The following EYA4 variants were observed in gnomAD, a reference collection of about 807,000 sequenced individuals.
The protein encoded by EYA4 is EYA transcriptional coactivator and phosphatase 4, also known as protein phosphatase EYA4.
EYA4 carries 31 observed loss-of-function variants against 87.9 expected under a neutral mutation model. The ratio of observed to expected loss-of-function variants is 0.35; its 90% confidence interval spans 0.27 to 0.48. The LOEUF (loss-of-function observed/expected upper bound fraction) is 0.48. EYA4 is among the 20% of genes least tolerant of loss of function. The pLI is 0.99. For missense variants in EYA4, 678 were observed against 761.4 expected (o/e 0.89, Z 1.29); for synonymous variants, 263 against 270.6 (o/e 0.97, Z 0.28).
intron 3 of EYA4, among the ~76,000 whole-genome samples, chr6:133,410,759 C>G (rs1463577655): frequency 6.6e-6 from 1 of 151,856 alleles, no homozygotes. Flanking sequence ...CAGTCCACTT[C>G]AAACAGGGCT....
At chr6:133,469,399 A>G (rs1439946167) in intron 11 of EYA4, among the ~76,000 whole-genome samples, 1 of 152,022 alleles carries the variant, frequency 6.6e-6, no homozygotes, top group Non-Finnish European at 1.5e-5. Context: ...TAGAATAGTC[A>G]AAACTATTTT....
At chr6:133,436,729 G>C (rs1309436931) in intron 3 of EYA4, among the ~76,000 whole-genome samples, 4 of 152,202 alleles carry the variant, frequency 2.6e-5, no homozygotes, top group Non-Finnish European at 5.9e-5. Flanking sequence ...GTGGGAAATA[G>C]ACCCATGTCC....
At chr6:133,412,141 G>A (rs1004343514) in intron 3 of EYA4, among the ~76,000 whole-genome samples, 3 of 152,130 alleles carry the variant, frequency 2.0e-5, no homozygotes, top group Non-Finnish European at 2.9e-5. Flanking sequence ...GTTTAATGCA[G>A]CAAATTTACT....
chr6:133,295,118 G>A (rs1214229277), intron 2 of EYA4, among the ~76,000 whole-genome samples: 1 of 152,126 alleles, frequency 6.6e-6, no homozygotes. Context: ...ATATGCTATG[G>A]ATGGAAAGCT....
At chr6:133,435,945 G>C (rs1028339057) in intron 3 of EYA4, among the ~76,000 whole-genome samples, 2 of 152,112 alleles carry the variant, frequency 1.3e-5, no homozygotes, top group African/African-American at 4.8e-5. Flanking sequence ...TCCAGGCTGG[G>C]CGCGGTGGCT....
intron 3 of EYA4, among the ~76,000 whole-genome samples, chr6:133,408,989 C>G (rs1380061025): frequency 6.6e-6 from 1 of 152,118 alleles, no homozygotes; most frequent in Non-Finnish European, 1.5e-5. Context: ...TGCAGACTCC[C>G]TGTTCTGATC....
intron 2 of EYA4, 71 bp from the exon 3 acceptor site, chr6:133,382,321 T>C: frequency 2.8e-6 from 3 of 1,076,944 alleles, no homozygotes; most frequent in Non-Finnish European, 4.4e-6. Context: ...TATATCCGCT[T>C]TAATAGTGTG....
At chr6:133,341,548 G>A (rs907885080) in intron 2 of EYA4, among the ~76,000 whole-genome samples, 1 of 152,048 alleles carries the variant, frequency 6.6e-6, no homozygotes, top group Non-Finnish European at 1.5e-5. Context: ...TAGCTTTATG[G>A]ACTTCCAAAT....
At chr6:133,386,346 C>T (rs1786747136) in intron 3 of EYA4, among the ~76,000 whole-genome samples, 1 of 152,078 alleles carries the variant, frequency 6.6e-6, no homozygotes, top group African/African-American at 2.4e-5. Context: ...AATTTTACAG[C>T]AGAAGTTTCC....
In EYA4 at chr6:133,529,786, TAGA is replaced by T. The variant is rs1338976879; in HGVS notation, c.*984_*986del. ...CTTTACTTAGAAAGTGAAATGTATG[TAGA>T]AGTCTCAAGTACCCCTTCTACAGTT... On this transcript the variant is annotated 3_prime_UTR_variant, in exon 20 of 20. Coordinates refer to ENST00000355286, the MANE Select transcript of EYA4 (RefSeq NM_004100.5). 1 of 984,822 alleles carries T rather than the reference TAGA, an allele frequency of 1.0e-6. No individual in the cohort carries two copies. Among genetic ancestry groups the T allele is most frequent in the Non-Finnish European group, 1.2e-6 (1 of 829,492 alleles). 61.0% of individuals were successfully genotyped at this position (984,822 alleles called of 1,614,324 possible).
chr6:133,298,316 T>G (rs961280836), intron 2 of EYA4, among the ~76,000 whole-genome samples: 6 of 152,124 alleles, frequency 3.9e-5, no homozygotes, highest in African/African-American at 1.4e-4. Context: ...AGCAGCCAAT[T>G]TTTCTGACGA....
At chr6:133,272,613 T>C (rs1439378687) in intron 1 of EYA4, among the ~76,000 whole-genome samples, 2 of 152,154 alleles carry the variant, frequency 1.3e-5, no homozygotes, top group African/African-American at 4.8e-5. Context: ...AGAAGATGGT[T>C]GGGCCTTGCT....
chr6:133,445,004 A>G (rs1345394016), intron 3 of EYA4, among the ~76,000 whole-genome samples: 1 of 151,988 alleles, frequency 6.6e-6, no homozygotes, highest in Non-Finnish European at 1.5e-5. Flanking sequence ...CATTTTTCAC[A>G]TATATTCTTT....
At chr6:133,523,776 T>C (rs2128813397) in intron 18 of EYA4, among the ~76,000 whole-genome samples, 1 of 152,278 alleles carries the variant, frequency 6.6e-6, no homozygotes, top group Admixed American at 6.5e-5. Flanking sequence ...AGACTCCAAC[T>C]TCTAATAAAC....
At chr6:133,317,614 A>G (rs1197646648) in intron 2 of EYA4, among the ~76,000 whole-genome samples, 2 of 152,220 alleles carry the variant, frequency 1.3e-5, no homozygotes, top group Non-Finnish European at 2.9e-5. Flanking sequence ...TCATAAAATA[A>G]TACATCTCAA....
intron 2 of EYA4, among the ~76,000 whole-genome samples, chr6:133,379,319 A>G (rs1785973703): frequency 6.6e-6 from 1 of 152,108 alleles, no homozygotes; most frequent in Non-Finnish European, 1.5e-5. Flanking sequence ...TATAGCATAT[A>G]TGGGTCAGCA....
intron 19 of EYA4, among the ~76,000 whole-genome samples, chr6:133,526,145 A>G (rs928732157): frequency 6.6e-6 from 1 of 152,160 alleles, no homozygotes; most frequent in Admixed American, 6.5e-5. Context: ...CAGACTGTCA[A>G]CTCCACCCTA....
rs5880181 is a variant in EYA4 at position 133,381,075 on chromosome 6, C to CTT, written c.34-1300_34-1299dup. 4.0e-4 allele frequency among the ~76,000 whole-genome samples: 39 copies of CTT among 96,842 alleles called. 1 individual carries two copies. The highest frequency in any genetic ancestry group is 1.7e-3 in the Admixed American group (12 of 7,084). The allele number at this position is 96,842 out of a possible 152,430, so 63.5% of individuals were successfully genotyped here. A position where few individuals can be genotyped will look rare whatever the true frequency, so the allele number is the denominator to read the frequency against. On this transcript the variant is annotated intron_variant, in intron 2 of 19. Transcript: ENST00000355286. The stretch of plus-strand genomic sequence containing the variant: ...CTCTCTGTGAAACCGTTTTTTTTTT[C>CTT]TTTTTTTTTTTTTTTTTTGCCCCTC...
At chr6:133,310,003 A>G (rs1020738031) in intron 2 of EYA4, among the ~76,000 whole-genome samples, 1 of 152,192 alleles carries the variant, frequency 6.6e-6, no homozygotes, top group Non-Finnish European at 1.5e-5. Context: ...TCTTAAACAG[A>G]CAATCTTCTC....
Sources: gnomAD v4.1 joint callset for allele counts (sites outside exome capture counted in the v4.1 genomes callset) on GRCh38, gnomAD v4.1.1 for gene constraint, MANE v1.5 for transcripts, NCBI Gene and HGNC (gene_info 2026-07-23, HGNC 2026-07-21) for gene names.